BCAS3: variants seen among roughly 807,000 people sequenced by gnomAD.
The protein encoded by BCAS3 is BCAS4/BCAS3 fusion.
In BCAS3, 53 loss-of-function variants were observed where a neutral mutation model predicts 116.1. That is an observed-to-expected ratio of 0.46 (90% confidence interval 0.37 to 0.57). The LOEUF (loss-of-function observed/expected upper bound fraction) is 0.57. Ranked by LOEUF, BCAS3 falls within the 20% of genes least tolerant of loss-of-function variation. The probability of loss-of-function intolerance (pLI) is 0.00; values close to 1 mark genes in which losing one functional copy is unlikely to be tolerated. For synonymous variants in BCAS3, 391 were observed against 408.2 expected (o/e 0.96, Z 0.51); for missense variants, 917 against 1,165.4 (o/e 0.79, Z 3.10).
intron 11 of BCAS3, among the ~76,000 whole-genome samples, chr17:60,908,598 A>T (rs958531759): frequency 1.3e-5 from 2 of 152,152 alleles, no homozygotes; most frequent in African/African-American, 4.8e-5. Context: ...GGCTTACTTG[A>T]CAACACTCCA....
At position 61,222,649 on chromosome 17, in the gene BCAS3, G is replaced by A. The variant is rs2082171220; in HGVS notation, c.2425+138085G>A. Among the ~76,000 whole-genome samples, 1 of 152,070 alleles carries A rather than the reference G, an allele frequency of 6.6e-6. No homozygotes were observed. The highest frequency in any genetic ancestry group is 1.5e-5 in the Non-Finnish European group (1 of 68,008). ...TGTTCTGGTTTATTGTTGATTGGGTGATTTATGTCACGTGGTATATGGGTT... is the reference window on the plus strand; with the variant it reads ...TGTTCTGGTTTATTGTTGATTGGGTAATTTATGTCACGTGGTATATGGGTT... On this transcript the variant is annotated intron_variant, in intron 22 of 23. Coordinates refer to ENST00000407086, the MANE Select transcript of BCAS3 (RefSeq NM_017679.5). This position sits in a 1 kb window ranked among gnomAD's most constrained non-coding sequence, Gnocchi z 6.1.
chr17:60,881,841 T>C (rs57907991), intron 9 of BCAS3, among the ~76,000 whole-genome samples: 5,352 of 146,292 alleles, frequency 0.037, 363 homozygotes, highest in African/African-American at 0.13. Context: ...AGTCTATCAT[T>C]GTTGGACATT....
chr17:61,141,831 G>A lies in BCAS3; in HGVS notation c.2425+57267G>A, dbSNP rs1206247117. Reference sequence around the variant, plus strand: ...CAGGAGAATCGCTTGAACCCAGGAGGCGGAGGTTGCAGTGAGCCGAGATCG... The same window carrying A: ...CAGGAGAATCGCTTGAACCCAGGAGACGGAGGTTGCAGTGAGCCGAGATCG... On this transcript the variant is annotated intron_variant, in intron 22 of 23. Transcript: ENST00000407086. This position sits in a 1 kb window ranked among gnomAD's most constrained non-coding sequence, Gnocchi z 4.3. Among the ~76,000 whole-genome samples the A allele has an allele frequency of 2.0e-5, 3 of 150,178 alleles. No individual in the cohort carries two copies. Among genetic ancestry groups the A allele is most frequent in the Non-Finnish European group, 4.4e-5 (3 of 67,554 alleles).
intron 6 of BCAS3, among the ~76,000 whole-genome samples, chr17:60,755,296 G>GCTT (rs1194986267): frequency 4.6e-5 from 7 of 152,250 alleles, no homozygotes; most frequent in Admixed American, 2.6e-4. Flanking sequence ...ACTATATAAT[G>GCTT]CTTGATACTC....
Position 60,990,112 on chromosome 17 carries a change from A to C in BCAS3, c.1363A>C (p.Met455Leu), listed in dbSNP as rs751188935. The change falls in exon 15 of 24, where the codon ATG (methionine) becomes CTG (leucine). Residue 455 changes from methionine to leucine, a missense_variant. Physicochemically the swap from Met to Leu is conservative, Grantham distance 15. Around this residue, in one of 3 missense-constraint regions of BCAS3, gnomAD observed 807 missense variants for 1,026.0 expected, o/e 0.79. Coordinates refer to ENST00000407086, the MANE Select transcript of BCAS3 (RefSeq NM_017679.5). This position sits in a 1 kb window ranked among gnomAD's most constrained non-coding sequence, Gnocchi z 5.1. Reference sequence around the variant, plus strand: ...TATGTCACCACGAGTAGTGAATCGCATGAGCCGTTTCCAGAAAAGTGCTGG... The same window carrying C: ...TATGTCACCACGAGTAGTGAATCGCCTGAGCCGTTTCCAGAAAAGTGCTGG... ...THMSPRVVNR[M>L]SRFQKSAGLE... The C allele has an allele frequency of 1.4e-5, 23 of 1,614,026 alleles. No individual in the cohort carries two copies. Among genetic ancestry groups the C allele is most frequent in the Non-Finnish European group, 1.9e-5 (23 of 1,180,038 alleles).
At chr17:61,027,157 TAGA>T (rs1038514219) in intron 16 of BCAS3, among the ~76,000 whole-genome samples, 12 of 151,248 alleles carry the variant, frequency 7.9e-5, no homozygotes, top group Non-Finnish European at 1.6e-4. Context: ...TTTTTTTAAA[TAGA>T]AGAATTCTCT....
At position 60,967,645 on chromosome 17, in the gene BCAS3, T is replaced by C. The variant is rs894128516; in HGVS notation, c.1221+20293T>C. Reference sequence around the variant, plus strand: ...TTTCTACCCTTTAGTCTTATCTCCCTCTTGAATACCAATAATTCTTAGATT... The same window carrying C: ...TTTCTACCCTTTAGTCTTATCTCCCCCTTGAATACCAATAATTCTTAGATT... On this transcript the variant is annotated intron_variant, in intron 14 of 23. Coordinates refer to ENST00000407086, the MANE Select transcript of BCAS3 (RefSeq NM_017679.5). This position sits in a 1 kb window ranked among gnomAD's most constrained non-coding sequence, Gnocchi z 4.7. Among the ~76,000 whole-genome samples the C allele has an allele frequency of 1.3e-5, 2 of 152,326 alleles. No homozygotes were observed. The highest frequency in any genetic ancestry group is 1.3e-4 in the Admixed American group (2 of 15,306).
chr17:60,909,213 G>GT (rs2058354181), intron 11 of BCAS3, among the ~76,000 whole-genome samples: 1 of 152,074 alleles, frequency 6.6e-6, no homozygotes, highest in Non-Finnish European at 1.5e-5. Flanking sequence ...TAGTTTTATG[G>GT]TATTTTAATA....
chr17:60,866,760 G>A (rs1322564553), intron 7 of BCAS3, among the ~76,000 whole-genome samples: 3 of 152,020 alleles, frequency 2.0e-5, no homozygotes, highest in Non-Finnish European at 4.4e-5. Flanking sequence ...AATATTTCCT[G>A]TTTCCTTCAT....
At chr17:60,914,315 G>A (rs2145116207) in intron 12 of BCAS3, among the ~76,000 whole-genome samples, 1 of 152,250 alleles carries the variant, frequency 6.6e-6, no homozygotes, top group Non-Finnish European at 1.5e-5. Context: ...AAAGTATCTG[G>A]TTGTTTATAT....
chr17:61,070,703 C>T (rs543180297), intron 19 of BCAS3, among the ~76,000 whole-genome samples: 6 of 152,182 alleles, frequency 3.9e-5, no homozygotes, highest in African/African-American at 1.2e-4. Context: ...ATTATGGGCC[C>T]TTCCCACAGA....
At position 60,967,148 on chromosome 17, in the gene BCAS3, C is replaced by T. The variant is rs117902003; in HGVS notation, c.1221+19796C>T. 0.011 allele frequency among the ~76,000 whole-genome samples: 1,722 copies of T among 152,154 alleles called. 10 individuals are homozygous for T. Among genetic ancestry groups the T allele is most frequent in the Middle Eastern group, 0.027 (8 of 294 alleles). ...GTACTTTTTACCAGTGGGTTTTATA[C>T]CTTGAAAAGCTTTCTTTTAGCACAT... On this transcript the variant is annotated intron_variant, in intron 14 of 23. Transcript: ENST00000407086. The surrounding 1 kb of genome is among the most constrained non-coding windows in gnomAD (Gnocchi z 4.7).
rs869112996 is a variant in BCAS3 at position 60,799,524 on chromosome 17, G to GTT, written c.404-8460_404-8459dup. ...TGTAAGTTTTTTGAGATTAGTGTTT[G>GTT]TTTTTTTTTTTTTTTTTTTTTGGAG... On this transcript the variant is annotated intron_variant, in intron 6 of 23. Coordinates refer to ENST00000407086, the MANE Select transcript of BCAS3 (RefSeq NM_017679.5). Among the ~76,000 whole-genome samples, 136 of 102,356 alleles carry GTT rather than the reference G, an allele frequency of 1.3e-3. 1 individual carries two copies. The highest frequency in any genetic ancestry group is 1.8e-3 in the Non-Finnish European group (93 of 50,906). The allele number at this position is 102,356 out of a possible 152,430, so 67.1% of individuals were successfully genotyped here.
At position 61,037,746 on chromosome 17, in the gene BCAS3, A is replaced by G; in HGVS notation, c.1763-143A>G. 1 of 824,602 alleles carries G rather than the reference A, an allele frequency of 1.2e-6. No homozygotes were observed. The highest frequency in any genetic ancestry group is 1.8e-6 in the Non-Finnish European group (1 of 560,038). The allele number at this position is 824,602 out of a possible 1,614,324, so 51.1% of individuals were successfully genotyped here. ...GAGCAAAACTCCATCTCCAAAAAAA[A>G]GAAAAAAAGAAAAAAATTCCTGTCT... On this transcript the variant is annotated intron_variant, in intron 17 of 23. Coordinates refer to ENST00000407086, the MANE Select transcript of BCAS3 (RefSeq NM_017679.5). This position sits in a 1 kb window ranked among gnomAD's most constrained non-coding sequence, Gnocchi z 4.7.
Position 60,921,588 on chromosome 17 carries a change from G to A in BCAS3, c.994-2819G>A, listed in dbSNP as rs2059096703. 4.0e-5 allele frequency among the ~76,000 whole-genome samples: 6 copies of A among 148,164 alleles called. No individual in the cohort carries two copies. In the South Asian group the frequency reaches 1.3e-3, roughly 33 times the overall value. On this transcript the variant is annotated intron_variant, in intron 12 of 23. Transcript: ENST00000407086. ...AGATCCCGCCACTGCACTCCAGCCT[G>A]GGCGACAGAGCGAGACTCCGTCTCA...
intron 22 of BCAS3, among the ~76,000 whole-genome samples, chr17:61,163,785 G>A (rs916763614): frequency 1.3e-5 from 2 of 151,866 alleles, no homozygotes; most frequent in Non-Finnish European, 2.9e-5. Context: ...TTGGGAGTTC[G>A]AGACCAGCTT....
At chr17:60,876,044 A>T (rs2055574847) in intron 9 of BCAS3, among the ~76,000 whole-genome samples, 1 of 152,028 alleles carries the variant, frequency 6.6e-6, no homozygotes, top group Non-Finnish European at 1.5e-5. Flanking sequence ...TTACCAAGTG[A>T]TTATATAATT....
At chr17:61,024,387 C>T (rs1209992324) in intron 16 of BCAS3, among the ~76,000 whole-genome samples, 1 of 152,080 alleles carries the variant, frequency 6.6e-6, no homozygotes, top group East Asian at 1.9e-4. Context: ...CTCTCCAGTT[C>T]CCTTTCTCCT....
At position 61,380,277 on chromosome 17, in the gene BCAS3, C is replaced by G. The variant is rs1366450427; in HGVS notation, c.2594-11700C>G. On this transcript the variant is annotated intron_variant, in intron 23 of 23. Coordinates refer to ENST00000407086, the MANE Select transcript of BCAS3 (RefSeq NM_017679.5). This position sits in a 1 kb window ranked among gnomAD's most constrained non-coding sequence, Gnocchi z 4.2. ...GGCAGGAGTGTAGGAACTCAGGCAG[C>G]TGGACTGGGGAGGAGGGAGAGAGGG... is the stretch of plus-strand genomic sequence containing the variant. 2 of 558,756 alleles carry G rather than the reference C, an allele frequency of 3.6e-6. No individual in the cohort carries two copies. Among genetic ancestry groups the G allele is most frequent in the Admixed American group, 6.0e-5 (2 of 33,096 alleles). 34.6% of individuals were successfully genotyped at this position (558,756 alleles called of 1,614,324 possible). A position where few individuals can be genotyped will look rare whatever the true frequency, so the allele number is the denominator to read the frequency against.
Sources: gnomAD v4.1 joint callset for allele counts (sites outside exome capture counted in the v4.1 genomes callset) on GRCh38, gnomAD v4.1.1 for gene constraint, gnomAD v4.1.1 regional missense constraint, Gnocchi (gnomAD v3.1) non-coding constraint, MANE v1.5 for transcripts, NCBI Gene and HGNC (gene_info 2026-07-23, HGNC 2026-07-21) for gene names.